The following PASD1 variants were observed in gnomAD, a reference collection of about 807,000 sequenced individuals.
PASD1 encodes circadian clock protein PASD1.
In PASD1, 13 loss-of-function variants were observed where a neutral mutation model predicts 58.8. That is an observed-to-expected ratio of 0.22 (90% CI 0.14 to 0.35). The LOEUF (loss-of-function observed/expected upper bound fraction) is 0.35. PASD1 is among the 10% of genes least tolerant of loss of function. The probability of loss-of-function intolerance (pLI) is 1.00; values close to 1 mark genes in which losing one functional copy is unlikely to be tolerated. For missense variants in PASD1, 734 were observed against 568.3 expected, an observed-to-expected ratio of 1.29 and a Z score of -2.96; for synonymous variants, 236 against 216.7, an observed-to-expected ratio of 1.09 and a Z score of -0.78.
chrX:151,652,918 A>T (rs1050071965), intron 9 of PASD1, among the ~76,000 whole-genome samples: 2 of 111,012 alleles, frequency 1.8e-5, no homozygotes, highest in African/African-American at 6.5e-5. Flanking sequence ...GCCATTGTAT[A>T]GATTTTGGCT....
chrX:151,622,964 T>G lies in PASD1; in HGVS notation c.446T>G (p.Phe149Cys). 1.7e-6 allele frequency: 2 copies of G among 1,208,863 alleles called. No homozygotes were observed. Among genetic ancestry groups the G allele is most frequent in the Non-Finnish European group, 2.2e-6 (2 of 893,163 alleles). ...NEFPVVFSGL[F>C]SSHLCADFAA... ...TTTCCTGTGGTCTTTAGTGGCTTGTTTTCCAGCCACCTCTGTGCTGACTTT... is the reference window on the plus strand; with the variant it reads ...TTTCCTGTGGTCTTTAGTGGCTTGTGTTCCAGCCACCTCTGTGCTGACTTT... Residue 149 changes from phenylalanine (F) to cysteine (C), a missense_variant, in exon 7 of 16, where the codon TTT becomes TGT. Transcript: ENST00000370357.
At chrX:151,603,015 A>T in intron 2 of PASD1, among the ~76,000 whole-genome samples, 1 of 112,387 alleles carries the variant, frequency 8.9e-6, no homozygotes. Context: ...TACCTTCCTA[A>T]TACCTTCCTA....
chrX:151,614,391 T>A (rs35577445), intron 4 of PASD1, among the ~76,000 whole-genome samples: 1 of 110,393 alleles, frequency 9.1e-6, no homozygotes, highest in East Asian at 2.9e-4. Context: ...AATATATAAA[T>A]TTTTGGGGGA....
At chrX:151,641,525 T>C (rs751499871) in intron 8 of PASD1, among the ~76,000 whole-genome samples, 109 of 111,681 alleles carry the variant, frequency 9.8e-4, no homozygotes, top group African/African-American at 3.4e-3. Context: ...ATCAGTTATA[T>C]ATATGTTAAC....
chrX:151,638,451 A>C (rs2013959094), intron 8 of PASD1, among the ~76,000 whole-genome samples: 1 of 110,446 alleles, frequency 9.1e-6, no homozygotes, highest in Admixed American at 9.7e-5. Context: ...AAAAAAAAAA[A>C]AGAAAAGAAA....
intron 11 of PASD1, among the ~76,000 whole-genome samples, chrX:151,668,673 C>T (rs1440196796): frequency 9.0e-6 from 1 of 110,897 alleles, no homozygotes; most frequent in Non-Finnish European, 1.9e-5. Flanking sequence ...AGCTGAATCT[C>T]TGAATAGACC....
intron 7 of PASD1, among the ~76,000 whole-genome samples, 192 bp downstream of exon 7, chrX:151,623,256 T>C (rs749489753): frequency 1.8e-5 from 2 of 112,064 alleles, no homozygotes; most frequent in East Asian, 5.6e-4. Context: ...TCAGTGAAAA[T>C]TTAGACACAC....
At chrX:151,615,616 CTTATA>C (rs949509433) in intron 4 of PASD1, among the ~76,000 whole-genome samples, 2 of 111,442 alleles carry the variant, frequency 1.8e-5, no homozygotes, top group African/African-American at 6.5e-5. Flanking sequence ...AGTCATCCAA[CTTATA>C]TTATAAAATG....
At chrX:151,587,225 CTTT>C (rs33922090) in intron 1 of PASD1, among the ~76,000 whole-genome samples, 67 of 82,464 alleles carry the variant, frequency 8.1e-4, no homozygotes, top group Middle Eastern at 6.9e-3. Context: ...CTGGGTTTGC[CTTT>C]TTTTTTTTTT....
chrX:151,602,350 A>G (rs1385394158), intron 2 of PASD1, among the ~76,000 whole-genome samples: 1 of 111,259 alleles, frequency 9.0e-6, no homozygotes, highest in East Asian at 2.8e-4. Context: ...TGTTTGTAAC[A>G]AACAACCATA....
intron 1 of PASD1, among the ~76,000 whole-genome samples, chrX:151,587,687 A>C (rs2013187271): frequency 8.9e-6 from 1 of 111,944 alleles, no homozygotes; most frequent in Non-Finnish European, 1.9e-5. Flanking sequence ...AAGCACAGCC[A>C]GTCAGTAGGG....
At chrX:151,597,130 T>C (rs150654186) in intron 1 of PASD1, among the ~76,000 whole-genome samples, 189 of 112,209 alleles carry the variant, frequency 1.7e-3, no homozygotes, top group African/African-American at 5.9e-3. Flanking sequence ...TTTTTGATGC[T>C]GCCTTTCTCT....
chrX:151,599,158 G>A (rs1192863790), intron 1 of PASD1, among the ~76,000 whole-genome samples: 1 of 112,364 alleles, frequency 8.9e-6, no homozygotes, highest in African/African-American at 3.2e-5. Flanking sequence ...TAGATTAACA[G>A]CATCCCAAGG....
At chrX:151,665,600 A>C (rs766567983) in intron 11 of PASD1, among the ~76,000 whole-genome samples, 1 of 111,674 alleles carries the variant, frequency 9.0e-6, no homozygotes, top group South Asian at 3.9e-4. Context: ...TTATCCAAGT[A>C]GTTGAAGGGT....
At chrX:151,642,333 C>T (rs1454361921) in intron 8 of PASD1, among the ~76,000 whole-genome samples, 1 of 110,476 alleles carries the variant, frequency 9.1e-6, no homozygotes, top group Non-Finnish European at 1.9e-5. Context: ...TTTTGGCTCA[C>T]AGGCCATAGT....
intron 8 of PASD1, among the ~76,000 whole-genome samples, chrX:151,636,762 A>T (rs112160206): frequency 0.037 from 4,085 of 109,207 alleles, 72 homozygotes; most frequent in Middle Eastern, 0.07. Context: ...TGTGCAGTAA[A>T]TTTTTTTTTT....
Position 151,676,399 on chromosome X carries a change from T to C in PASD1, c.*256T>C. ...GACAGCAGCCAGCCACAGCTGGATC[T>C]GATGTCTTGTCTGCCCCGCCCAGCT... is the stretch of plus-strand genomic sequence containing the variant. On this transcript the variant is annotated 3_prime_UTR_variant, in exon 16 of 16. Transcript: ENST00000370357. The C allele has an allele frequency of 3.5e-6, 1 of 287,931 alleles. No homozygotes were observed. 23.7% of individuals were successfully genotyped at this position (287,931 alleles called of 1,213,427 possible).
chrX:151,581,604 T>A (rs751180085), intron 1 of PASD1, among the ~76,000 whole-genome samples: 1 of 111,327 alleles, frequency 9.0e-6, no homozygotes, highest in East Asian at 2.8e-4. Context: ...TTAATTAATT[T>A]AATTTAATAG....
chrX:151,594,531 A>G (rs2013292140), intron 1 of PASD1, among the ~76,000 whole-genome samples: 1 of 111,660 alleles, frequency 9.0e-6, no homozygotes, highest in Non-Finnish European at 1.9e-5. Context: ...ATATTGTGCC[A>G]CTTCATGTAT....
Sources: gnomAD v4.1 joint callset for allele counts (sites outside exome capture counted in the v4.1 genomes callset) on GRCh38, gnomAD v4.1.1 for gene constraint, MANE v1.5 for transcripts, NCBI Gene and HGNC (gene_info 2026-07-23, HGNC 2026-07-21) for gene names.